VPS13A: variants seen among roughly 807,000 people sequenced by gnomAD.
The protein encoded by VPS13A is vacuolar protein sorting 13 homolog A, also known as intermembrane lipid transfer protein VPS13A.
VPS13A carries 264 observed loss-of-function variants against 390.9 expected under a neutral mutation model. That is an observed-to-expected ratio of 0.68 (90% CI 0.61 to 0.75). The LOEUF is 0.75. Ranked by LOEUF, VPS13A falls within the 30% of genes least tolerant of loss-of-function variation. The probability of loss-of-function intolerance (pLI) is 0.00; values close to 1 mark genes in which losing one functional copy is unlikely to be tolerated. For missense variants in VPS13A, 3,409 were observed against 3,733.9 expected (o/e 0.91, Z 2.27); for synonymous variants, 1,231 against 1,227.1 (o/e 1.00, Z -0.07).
rs1832386468 is a variant in VPS13A, at chr9:77,365,579, A to G, written c.8325+6A>G. The stretch of plus-strand genomic sequence containing the variant: ...TTCATATATCTCCTATCAAGGTAGG[A>G]GAAAGTCATTTTTATTGTCCTTGAT... On this transcript the variant is annotated splice_donor_region_variant and intron_variant, in intron 60 of 71. Transcript: ENST00000360280. 1 of 1,564,050 alleles carries G rather than the reference A, an allele frequency of 6.4e-7. No homozygotes were observed. The highest frequency in any genetic ancestry group is 8.8e-7 in the Non-Finnish European group (1 of 1,135,544).
chr9:77,205,936 A>G, intron 4 of VPS13A, 42 bp from the exon 5 acceptor site: 1 of 1,389,060 alleles, frequency 7.2e-7, no homozygotes, highest in South Asian at 1.3e-5. Flanking sequence ...CTATATTTAA[A>G]TTTAAGGTAG....
intron 19 of VPS13A, among the ~76,000 whole-genome samples, chr9:77,246,974 CT>C (rs896184528): frequency 1.1e-4 from 16 of 151,082 alleles, no homozygotes; most frequent in Admixed American, 5.3e-4. Context: ...GCCACTGAAA[CT>C]TTTTTTTTGG....
intron 13 of VPS13A, among the ~76,000 whole-genome samples, chr9:77,225,497 C>T (rs1823457531): frequency 6.6e-6 from 1 of 152,168 alleles, no homozygotes; most frequent in South Asian, 2.1e-4. Context: ...TCGCCTGCCT[C>T]AGCCTCCCAG....
chr9:77,351,697 C>T (rs1034173884), intron 53 of VPS13A, among the ~76,000 whole-genome samples: 29 of 152,054 alleles, frequency 1.9e-4, no homozygotes, highest in African/African-American at 6.0e-4. Context: ...GGTGAAACTC[C>T]GTCTCTACTA....
chr9:77,318,410 C>A lies in VPS13A; in HGVS notation c.5132C>A (p.Pro1711His), dbSNP rs142116261. Residue 1711 changes from proline (P) to histidine (H), a missense_variant, in exon 41 of 72, where the codon CCC (proline) becomes CAC (histidine). This residue lies in a region of VPS13A where 2,717 missense variants were observed against 2,917.4 expected (regional missense o/e 0.93). Transcript: ENST00000360280. ...TCAAATGAAACTGAAAAAATAGCTC[C>A]CACAACTGAATTGGTACCCAAAGGC... is the stretch of plus-strand genomic sequence containing the variant. ...EESNETEKIA[P>H]TTELVPKGEM... The A allele has an allele frequency of 4.5e-5, 73 of 1,613,608 alleles. No homozygotes were observed. The highest frequency in any genetic ancestry group is 5.8e-5 in the Non-Finnish European group (69 of 1,179,868).
chr9:77,392,296 A>G (rs941434703), intron 68 of VPS13A, among the ~76,000 whole-genome samples: 2 of 152,206 alleles, frequency 1.3e-5, no homozygotes, highest in Non-Finnish European at 2.9e-5. Context: ...CACTGAGTCT[A>G]CTGGAATATA....
At chr9:77,246,466 T>TTGTG (rs148073595) in intron 19 of VPS13A, among the ~76,000 whole-genome samples, 47 of 150,906 alleles carry the variant, frequency 3.1e-4, no homozygotes, top group South Asian at 1.9e-3. Context: ...TGCCTACATT[T>TTGTG]TGTGTGTGTG....
Position 77,421,035 on chromosome 9 carries a change from G to A in VPS13A, c.*5029G>A, listed in dbSNP as rs1835323548. 1 of 152,296 alleles carries A rather than the reference G, an allele frequency of 6.6e-6. No individual in the cohort carries two copies. Among genetic ancestry groups the A allele is most frequent in the African/African-American group, 2.4e-5 (1 of 41,556 alleles). 9.4% of individuals were successfully genotyped at this position (152,296 alleles called of 1,614,324 possible). A position where few individuals can be genotyped will look rare whatever the true frequency, so the allele number is the denominator to read the frequency against. ...CAGAATTTTAGAAATAATTATCTCT[G>A]TATGTGACTGTGTATTACATATAAA... On this transcript the variant is annotated 3_prime_UTR_variant, in exon 72 of 72. Coordinates refer to ENST00000360280, the MANE Select transcript of VPS13A (RefSeq NM_033305.3).
In VPS13A at chr9:77,418,387, C is replaced by A. The variant is rs914046629; in HGVS notation, c.*2381C>A. 5.9e-5 allele frequency: 9 copies of A among 152,158 alleles called. No homozygotes were observed. Among genetic ancestry groups the A allele is most frequent in the Non-Finnish European group, 8.8e-5 (6 of 68,030 alleles). The allele number at this position is 152,158 out of a possible 1,614,324, so 9.4% of individuals were successfully genotyped here. A position where few individuals can be genotyped will look rare whatever the true frequency, so the allele number is the denominator to read the frequency against. On this transcript the variant is annotated 3_prime_UTR_variant, in exon 72 of 72. Transcript: ENST00000360280. ...TGAGGACTAAGGCAGAGTGCCTGTT[C>A]CCTGCCAACTCTCCACCAGAAAATC...
At chr9:77,401,329 TTGTG>T (rs4012461) in intron 68 of VPS13A, among the ~76,000 whole-genome samples, 8,841 of 140,366 alleles carry the variant, frequency 0.063, 338 homozygotes, top group Admixed American at 0.11. Context: ...TCACATGAAG[TTGTG>T]TGTGTGTGTG....
chr9:77,197,239 G>C (rs919893208), intron 1 of VPS13A, among the ~76,000 whole-genome samples: 1 of 152,188 alleles, frequency 6.6e-6, no homozygotes, highest in African/African-American at 2.4e-5. Flanking sequence ...GTATTCTGCT[G>C]TTGGTGGGTG....
intron 68 of VPS13A, among the ~76,000 whole-genome samples, chr9:77,392,886 G>C (rs118056612): frequency 4.5e-3 from 677 of 151,250 alleles, no homozygotes; most frequent in Admixed American, 7.0e-3. Flanking sequence ...TGGTGTTGAT[G>C]GTTGCTGACT....
intron 1 of VPS13A, among the ~76,000 whole-genome samples, chr9:77,181,201 T>A (rs1367304504): frequency 1.3e-5 from 2 of 152,078 alleles, no homozygotes; most frequent in Admixed American, 6.6e-5. Flanking sequence ...GAGGATTTTT[T>A]AAAAACATTG....
intron 1 of VPS13A, among the ~76,000 whole-genome samples, chr9:77,183,765 A>G (rs1305495836): frequency 6.6e-6 from 1 of 152,274 alleles, no homozygotes; most frequent in East Asian, 1.9e-4. Context: ...ATATGTTCAT[A>G]CAAAGATTTG....
chr9:77,274,843 C>T (rs1268963736), intron 24 of VPS13A, among the ~76,000 whole-genome samples: 2 of 152,030 alleles, frequency 1.3e-5, no homozygotes, highest in Non-Finnish European at 2.9e-5. Context: ...TCTACTTTAA[C>T]TTCAGTCTTA....
chr9:77,189,674 G>A (rs1824558129), intron 1 of VPS13A, among the ~76,000 whole-genome samples: 1 of 152,098 alleles, frequency 6.6e-6, no homozygotes, highest in South Asian at 2.1e-4. Context: ...TAGCATTGAA[G>A]CTGTAGATTG....
intron 1 of VPS13A, among the ~76,000 whole-genome samples, chr9:77,182,760 T>G (rs1454503905): frequency 2.6e-5 from 4 of 152,210 alleles, no homozygotes; most frequent in Non-Finnish European, 4.4e-5. Context: ...AATTTTTTTT[T>G]GATAATGCCT....
At chr9:77,398,859 C>A (rs992484023) in intron 68 of VPS13A, among the ~76,000 whole-genome samples, 2 of 151,718 alleles carry the variant, frequency 1.3e-5, no homozygotes, top group Middle Eastern at 3.4e-3. Context: ...GAGTTCATAT[C>A]CTTTGTAGGG....
intron 3 of VPS13A, 24 bp from the exon 4 acceptor site, chr9:77,205,289 T>G (rs1825572961): frequency 3.0e-6 from 4 of 1,330,532 alleles, no homozygotes; most frequent in Non-Finnish European, 3.1e-6. Context: ...TTTTGTCCTT[T>G]TTTTTTTTCC....
Sources: gnomAD v4.1 joint callset for allele counts (sites outside exome capture counted in the v4.1 genomes callset) on GRCh38, gnomAD v4.1.1 for gene constraint, gnomAD v4.1.1 regional missense constraint, MANE v1.5 for transcripts, NCBI Gene and HGNC (gene_info 2026-07-23, HGNC 2026-07-21) for gene names.